FAM149B1: variants seen among roughly 807,000 people sequenced by gnomAD.
FAM149B1 encodes the protein family with sequence similarity 149 member B1, also known as primary cilium assembly protein FAM149B1.
FAM149B1 carries 56 observed loss-of-function variants against 75.3 expected under a neutral mutation model. The ratio of observed to expected loss-of-function variants is 0.74; its 90% CI spans 0.60 to 0.93. The LOEUF (loss-of-function observed/expected upper bound fraction) is 0.93, where lower values mean the gene tolerates loss of function less well. Among genes scored for constraint, FAM149B1 ranks in the 40% least tolerant of loss-of-function variants. The probability of loss-of-function intolerance (pLI) is 0.00; values close to 1 mark genes in which losing one functional copy is unlikely to be tolerated. For missense variants in FAM149B1, 639 were observed against 708.4 expected, an observed-to-expected ratio of 0.90 and a Z score of 1.11; for synonymous variants, 259 against 256.1, an observed-to-expected ratio of 1.01 and a Z score of -0.11.
chr10:73,234,390 C>T (rs927341057), intron 10 of FAM149B1: 4 of 167,694 alleles, frequency 2.4e-5, no homozygotes, highest in African/African-American at 9.6e-5. Flanking sequence ...CAAGCTGCTC[C>T]AGATCCTACT....
rs2043159651 is a variant in FAM149B1 at position 73,210,336 on chromosome 10, A to G, written c.796A>G (p.Met266Val). The change falls in exon 7 of 14, where the codon ATG becomes GTG. Residue 266 changes from methionine (M) to valine (V), a missense_variant. Physicochemically the swap from Met to Val is conservative, Grantham distance 21 (BLOSUM62 1). Transcript: ENST00000242505. ...GYPPIAPFYC[M>V]KEDVLAYVFD... The stretch of plus-strand genomic sequence containing the variant: ...TCCTCCCATTGCTCCATTTTACTGC[A>G]TGAAAGAAGATGTCCTTGCTTATGT... 6.4e-7 allele frequency: 1 copy of G among 1,551,148 alleles called. No homozygotes were observed. Among genetic ancestry groups the G allele is most frequent in the South Asian group, 1.2e-5 (1 of 84,052 alleles).
At chr10:73,232,039 G>A (rs984678323) in intron 9 of FAM149B1, among the ~76,000 whole-genome samples, 5 of 152,114 alleles carry the variant, frequency 3.3e-5, no homozygotes, top group South Asian at 2.1e-4. Context: ...CTCCAAGCAC[G>A]GTGCCATGTT....
chr10:73,230,046 G>A (rs1374571669), intron 8 of FAM149B1, among the ~76,000 whole-genome samples: 1 of 152,208 alleles, frequency 6.6e-6, no homozygotes, highest in Admixed American at 6.5e-5. Flanking sequence ...TGATGAAAGA[G>A]ATTAAGTTAC....
At position 73,230,516 on chromosome 10, in the gene FAM149B1, A is replaced by G; in HGVS notation, c.1118A>G (p.Asp373Gly). The part of the protein sequence containing the change: ...PLQPRNLSLM[D>G]KLLDLDDKLL... The stretch of plus-strand genomic sequence containing the variant: ...CAGCCAAGAAATCTCTCCCTAATGG[A>G]CAAGCTCCTGTAAGAAGTTCAACAT... Residue 373 changes from aspartate (D) to glycine (G), a missense_variant, in exon 9 of 14, where the codon GAC becomes GGC. Transcript: ENST00000242505. 1 of 1,504,178 alleles carries G rather than the reference A, an allele frequency of 6.6e-7. No homozygotes were observed. Among genetic ancestry groups the G allele is most frequent in the East Asian group, 2.5e-5 (1 of 40,654 alleles). The allele number at this position is 1,504,178 out of a possible 1,614,324, so 93.2% of individuals were successfully genotyped here.
At chr10:73,198,531 G>A (rs1428615617) in intron 5 of FAM149B1, among the ~76,000 whole-genome samples, 1 of 152,126 alleles carries the variant, frequency 6.6e-6, no homozygotes, top group Non-Finnish European at 1.5e-5. Context: ...CAGGCTGGGC[G>A]TGGTGGCTCA....
Position 73,177,912 on chromosome 10 carries a change from TC to T in FAM149B1, c.221del (p.Pro74GlnfsTer47). The T allele has an allele frequency of 1.9e-6, 3 of 1,551,784 alleles. No individual in the cohort carries two copies. Among genetic ancestry groups the T allele is most frequent in the Non-Finnish European group, 2.6e-6 (3 of 1,146,986 alleles). ...ACACTGGGAATTCACTGTCTGCTTT[TC>T]CAAGTTATACAGGCGCAGGGATATC... is the stretch of plus-strand genomic sequence containing the variant. ...ADTGNSLSAF[P>X]SYTGAGISTE... On this transcript the variant is annotated frameshift_variant, in exon 3 of 14. Coordinates refer to ENST00000242505, the MANE Select transcript of FAM149B1 (RefSeq NM_173348.2). LOFTEE classifies it high-confidence loss of function.
At chr10:73,176,881 G>C (rs1223342112) in intron 2 of FAM149B1, among the ~76,000 whole-genome samples, 2 of 152,056 alleles carry the variant, frequency 1.3e-5, no homozygotes, top group Admixed American at 6.5e-5. Flanking sequence ...ACAAAAATTG[G>C]CTGGGGGTGG....
intron 3 of FAM149B1, among the ~76,000 whole-genome samples, chr10:73,183,023 G>C (rs1238275457): frequency 6.6e-6 from 1 of 152,086 alleles, no homozygotes; most frequent in East Asian, 1.9e-4. Flanking sequence ...TGTTGTCTCT[G>C]TCTCCCTGCC....
In FAM149B1 at chr10:73,239,292, TCTC is replaced by T. The variant is rs1479903420; in HGVS notation, c.1603-16_1603-14del. The T allele has an allele frequency of 3.2e-6, 5 of 1,546,064 alleles. No homozygotes were observed. The highest frequency in any genetic ancestry group is 3.9e-5 in the Admixed American group (2 of 50,960). ...GTGAGAAGATGCATCATAAGAAGTG[TCTC>T]CTCTTTTGTCTTGTAGCTGGATACA... is the stretch of plus-strand genomic sequence containing the variant. On this transcript the variant is annotated splice_polypyrimidine_tract_variant and intron_variant, in intron 12 of 13. Coordinates refer to ENST00000242505, the MANE Select transcript of FAM149B1 (RefSeq NM_173348.2).
chr10:73,193,713 C>A, intron 5 of FAM149B1, 120 bp downstream of exon 5: 1 of 972,394 alleles, frequency 1.0e-6, no homozygotes, highest in Middle Eastern at 2.3e-4. Context: ...TAAAGCATAG[C>A]AAATTCTGTA....
At chr10:73,187,391 T>TAA (rs773682735) in intron 3 of FAM149B1, among the ~76,000 whole-genome samples, 35 of 80,970 alleles carry the variant, frequency 4.3e-4, no homozygotes, top group Middle Eastern at 7.9e-3. Flanking sequence ...TCCAGATTAG[T>TAA]AAAAAAAAAA....
At chr10:73,168,500 C>A in intron 1 of FAM149B1, 114 bp downstream of exon 1, 1 of 1,266,538 alleles carries the variant, frequency 7.9e-7, no homozygotes, top group Admixed American at 2.4e-5. Flanking sequence ...GATTTTTCTT[C>A]GGAATTCTCT....
intron 12 of FAM149B1, among the ~76,000 whole-genome samples, chr10:73,236,725 CTTT>C (rs112151486): frequency 1.3e-4 from 18 of 135,774 alleles, no homozygotes; most frequent in African/African-American, 2.7e-4. Flanking sequence ...TTTTTCTTTT[CTTT>C]TTTTTTTTTT....
At chr10:73,209,947 A>G (rs1185201757) in intron 6 of FAM149B1, among the ~76,000 whole-genome samples, 1 of 151,328 alleles carries the variant, frequency 6.6e-6, no homozygotes, top group Non-Finnish European at 1.5e-5. Flanking sequence ...CTCACGTATC[A>G]CTCATGTGCA....
At chr10:73,196,038 A>G (rs1302529420) in intron 5 of FAM149B1, among the ~76,000 whole-genome samples, 1 of 152,206 alleles carries the variant, frequency 6.6e-6, no homozygotes, top group African/African-American at 2.4e-5. Flanking sequence ...TTACTTAGCA[A>G]TAATTAGTAT....
In FAM149B1 at chr10:73,168,369, G is replaced by A. The variant is rs1843542679; in HGVS notation, c.30G>A (p.Val10=). The stretch of plus-strand genomic sequence containing the variant: ...TCTCCAGATACACTCGGAAGGCGGT[G>A]CCACAGAGCTTGGAGCTGTGAGTGG... MISRYTRKA[V]PQSLELKGIT... is the part of the protein sequence containing the mutation. Residue 10 remains valine, a synonymous_variant, in exon 1 of 14, where the codon GTG becomes GTA. Coordinates refer to ENST00000242505, the MANE Select transcript of FAM149B1 (RefSeq NM_173348.2). 3.2e-6 allele frequency: 5 copies of A among 1,549,972 alleles called. No individual in the cohort carries two copies. The highest frequency in any genetic ancestry group is 2.0e-5 in the Admixed American group (1 of 50,990).
At chr10:73,233,238 T>C (rs2043752469) in intron 10 of FAM149B1, 75 bp downstream of exon 10, 1 of 1,060,392 alleles carries the variant, frequency 9.4e-7, no homozygotes, top group South Asian at 1.4e-5. Context: ...AATTTAAATA[T>C]AAGACTGAAA....
At chr10:73,237,253 A>G (rs570672506) in intron 12 of FAM149B1, among the ~76,000 whole-genome samples, 17 of 152,208 alleles carry the variant, frequency 1.1e-4, no homozygotes, top group African/African-American at 3.6e-4. Flanking sequence ...TTAGGGAGAA[A>G]CTCACCAAAA....
At chr10:73,204,946 T>A (rs1272932420) in intron 5 of FAM149B1, among the ~76,000 whole-genome samples, 17 of 14,172 alleles carry the variant, frequency 1.2e-3, no homozygotes, top group Admixed American at 9.2e-3. Flanking sequence ...CCTGGCTAAT[T>A]TTTTTTTTTT....
Sources: allele counts gnomAD v4.1 joint callset (sites outside exome capture counted in the v4.1 genomes callset), GRCh38; gene constraint gnomAD v4.1.1; transcripts MANE v1.5; gene names NCBI Gene and HGNC (gene_info 2026-07-23, HGNC 2026-07-21).